FYCO1: variants seen among roughly 807,000 people sequenced by gnomAD.
FYCO1 encodes FYVE and coiled-coil domain autophagy adaptor 1, also known as FYVE and coiled-coil domain-containing protein 1.
A neutral mutation model predicts 165.1 loss-of-function variants in FYCO1; 122 were observed. The ratio of observed to expected loss-of-function variants is 0.74; its 90% CI spans 0.64 to 0.86. The LOEUF is 0.86. Among genes scored for constraint, FYCO1 ranks in the 40% least tolerant of loss-of-function variants. The pLI is 0.00. For missense variants in FYCO1, 1,702 were observed against 1,810.3 expected (o/e 0.94, Z 1.09); for synonymous variants, 648 against 742.5 (o/e 0.87, Z 2.07).
chr3:45,942,001 AC>A (rs1704252042), intron 14 of FYCO1, among the ~76,000 whole-genome samples: 1 of 152,232 alleles, frequency 6.6e-6, no homozygotes, highest in Admixed American at 6.5e-5. Flanking sequence ...ACCATTCCCT[AC>A]ATCCATCTGT....
Position 45,968,124 on chromosome 3 carries a change from C to T in FYCO1, c.1210G>A (p.Gly404Arg). ...SDAAQEMQEL[G>R]EKLQALERER... ...CTTTCTAGGGCTTGAAGCTTCTCCC[C>T]TAGCTCCTGCATCTCCTGGGCCGCA... The change falls in exon 8 of 18, where the codon GGG becomes AGG. Residue 404 changes from glycine to arginine, a missense_variant. Transcript: ENST00000296137. 1.2e-6 allele frequency: 2 copies of T among 1,614,214 alleles called. No homozygotes were observed. Among genetic ancestry groups the T allele is most frequent in the African/African-American group, 1.3e-5 (1 of 75,062 alleles).
chr3:45,947,133 C>G, intron 14 of FYCO1: 1 of 1,614,218 alleles, frequency 6.2e-7, no homozygotes, highest in Non-Finnish European at 8.5e-7. Flanking sequence ...AATCAAAACA[C>G]TGCTTCATGC....
chr3:45,939,299 TC>T (rs1295980545), intron 14 of FYCO1, among the ~76,000 whole-genome samples: 1 of 152,172 alleles, frequency 6.6e-6, no homozygotes, highest in Admixed American at 6.5e-5. Flanking sequence ...TTTTCTTCTG[TC>T]CCAAATGCTC....
At chr3:45,980,088 G>A (rs750741911) in intron 3 of FYCO1, among the ~76,000 whole-genome samples, 4 of 152,204 alleles carry the variant, frequency 2.6e-5, no homozygotes, top group Non-Finnish European at 4.4e-5. Context: ...GGTGGCTCAC[G>A]CTGGTAATCC....
intron 14 of FYCO1, chr3:45,947,007 G>A (rs201299542): frequency 2.7e-5 from 43 of 1,614,012 alleles, no homozygotes; most frequent in Non-Finnish European, 1.5e-5. Flanking sequence ...CTTTAATCTC[G>A]ACAAGCTCAT....
chr3:45,927,915 G>A (rs1193605420), intron 16 of FYCO1, among the ~76,000 whole-genome samples: 2 of 152,248 alleles, frequency 1.3e-5, no homozygotes, highest in Non-Finnish European at 2.9e-5. Flanking sequence ...GTCCCCTGAA[G>A]AGGGCATGTT....
In FYCO1 at chr3:45,968,600, C is replaced by T. The variant is rs531597999; in HGVS notation, c.734G>A (p.Arg245Gln). The change falls in exon 8 of 18, where the codon CGG becomes CAG. Residue 245 changes from arginine (R) to glutamine (Q), a missense_variant. By Grantham distance (43) the Arg-to-Gln change is conservative. Transcript: ENST00000296137. ...MRLELDQLEV[R>Q]EKQLRERMQQ... The stretch of plus-strand genomic sequence containing the variant: ...CATGCGCTCCCGTAGCTGCTTCTCC[C>T]GCACCTCCAACTGGTCCAGCTCTAG... 5.3e-5 allele frequency: 85 copies of T among 1,613,872 alleles called. No homozygotes were observed. The highest frequency in any genetic ancestry group is 5.9e-5 in the Non-Finnish European group (70 of 1,180,000).
chr3:45,994,952 G>C (rs1195706169), intron 1 of FYCO1, among the ~76,000 whole-genome samples: 4 of 152,152 alleles, frequency 2.6e-5, no homozygotes, highest in African/African-American at 9.7e-5. Flanking sequence ...AGGGACATCA[G>C]AGAATACATG....
At chr3:45,965,805 G>A (rs758310198) in intron 8 of FYCO1, among the ~76,000 whole-genome samples, 2 of 152,194 alleles carry the variant, frequency 1.3e-5, no homozygotes, top group Non-Finnish European at 2.9e-5. Flanking sequence ...TCACATGCCC[G>A]GCGGGGCTGG....
At chr3:45,956,386 A>C (rs1705328459) in intron 13 of FYCO1, among the ~76,000 whole-genome samples, 1 of 151,846 alleles carries the variant, frequency 6.6e-6, no homozygotes, top group African/African-American at 2.4e-5. Context: ...ATAAATGAGT[A>C]GACAGGAAAT....
intron 6 of FYCO1, 50 bp from the exon 7 acceptor site, chr3:45,969,815 C>G (rs915751450): frequency 5.3e-6 from 8 of 1,499,328 alleles, no homozygotes; most frequent in Non-Finnish European, 7.4e-6. Flanking sequence ...GGAAACCTAA[C>G]ACATGGAGGC....
chr3:45,972,994 G>T, intron 6 of FYCO1, 94 bp downstream of exon 6: 1 of 1,358,316 alleles, frequency 7.4e-7, no homozygotes, highest in Non-Finnish European at 1.0e-6. Context: ...AATTTACTGA[G>T]CAAGCAAAAT....
chr3:45,988,521 CGT>C (rs1707416264), intron 1 of FYCO1, among the ~76,000 whole-genome samples: 1 of 152,206 alleles, frequency 6.6e-6, no homozygotes, highest in Admixed American at 6.5e-5. Flanking sequence ...CCAGCACCAG[CGT>C]AAGGACTCCA....
chr3:45,940,567 G>C (rs1704164364), intron 14 of FYCO1, among the ~76,000 whole-genome samples: 1 of 152,180 alleles, frequency 6.6e-6, no homozygotes, highest in Admixed American at 6.5e-5. Context: ...AGAGTCGGGG[G>C]AGAAGAAACA....
In FYCO1 at chr3:45,918,372, GAGA is replaced by G. The variant is rs1232883990; in HGVS notation, c.*3390_*3392del. ...TTCCTTGGAAGAAACATAATGAAAT[GAGA>G]AGAACTTACTAAAGTTCCCCTACAA... On this transcript the variant is annotated 3_prime_UTR_variant, in exon 18 of 18. Coordinates refer to ENST00000296137, the MANE Select transcript of FYCO1 (RefSeq NM_024513.4). 6.6e-6 allele frequency: 1 copy of G among 152,136 alleles called. No individual in the cohort carries two copies. The highest frequency in any genetic ancestry group is 1.5e-5 in the Non-Finnish European group (1 of 68,038). 9.4% of individuals were successfully genotyped at this position (152,136 alleles called of 1,614,324 possible).
chr3:45,990,371 T>C (rs933264638), intron 1 of FYCO1, among the ~76,000 whole-genome samples: 1 of 152,132 alleles, frequency 6.6e-6, no homozygotes, highest in African/African-American at 2.4e-5. Flanking sequence ...ATAGATAACA[T>C]ATACCCCAAT....
intron 14 of FYCO1, among the ~76,000 whole-genome samples, chr3:45,939,988 G>C (rs149301492): frequency 6.6e-6 from 1 of 152,222 alleles, no homozygotes; most frequent in Admixed American, 6.5e-5. Flanking sequence ...ACAGCAGAAG[G>C]CTCCACTGAC....
At chr3:45,991,991 T>G (rs1218877677) in intron 1 of FYCO1, among the ~76,000 whole-genome samples, 1 of 152,126 alleles carries the variant, frequency 6.6e-6, no homozygotes, top group East Asian at 1.9e-4. Flanking sequence ...AAAAGCCGTG[T>G]GAGGCCACAG....
At position 45,958,559 on chromosome 3, in the gene FYCO1, A is replaced by T; in HGVS notation, c.3648T>A (p.Gly1216=). 1.2e-6 allele frequency: 2 copies of T among 1,614,234 alleles called. No individual in the cohort carries two copies. Among genetic ancestry groups the T allele is most frequent in the Non-Finnish European group, 1.7e-6 (2 of 1,180,028 alleles). Residue 1216 remains glycine, a synonymous_variant, in exon 13 of 18, where the codon GGT becomes GGA. Transcript: ENST00000296137. ...CTCGGCAGCAGCGCTCCTTTTTGCC[A>T]CCGTGCTTGCTCAGGACGTAGTTGT... The part of the protein sequence containing the change: ...CCNNYVLSKH[G]GKKERCCRAC...
Sources: allele counts gnomAD v4.1 joint callset (sites outside exome capture counted in the v4.1 genomes callset), GRCh38; gene constraint gnomAD v4.1.1; transcripts MANE v1.5; gene names NCBI Gene and HGNC (gene_info 2026-07-23, HGNC 2026-07-21).